NEK7: variants seen among roughly 807,000 people sequenced by gnomAD.
The protein encoded by NEK7 is NIMA related kinase 7.
Under a neutral mutation model 44.6 loss-of-function variants are expected in NEK7, and 18 were observed. That is an observed-to-expected ratio of 0.40 (90% CI 0.28 to 0.60). The LOEUF is 0.60. Among genes scored for constraint, NEK7 ranks in the 20% least tolerant of loss-of-function variants. The pLI is 0.38. For synonymous variants in NEK7, 130 were observed against 121.1 expected (o/e 1.07, Z -0.48); for missense variants, 256 against 366.5 (o/e 0.70, Z 2.46).
intron 1 of NEK7, among the ~76,000 whole-genome samples, chr1:198,215,659 G>T (rs1001167160): frequency 6.6e-6 from 1 of 152,022 alleles, no homozygotes; most frequent in Non-Finnish European, 1.5e-5. Context: ...TTGATTTCAG[G>T]AGACACACCT....
intron 9 of NEK7, among the ~76,000 whole-genome samples, chr1:198,309,167 A>G (rs1033525570): frequency 4.6e-5 from 7 of 152,158 alleles, no homozygotes; most frequent in South Asian, 4.1e-4. Context: ...TAGAGAAGAG[A>G]TATACAGTGA....
intron 6 of NEK7, 67 bp downstream of exon 6, chr1:198,278,136 C>T: frequency 1.2e-6 from 1 of 855,862 alleles, no homozygotes; most frequent in Non-Finnish European, 2.0e-6. Context: ...AAGTAAATGT[C>T]TTCAAGTCAG....
At chr1:198,157,407 G>T (rs888236735) in intron 1 of NEK7, 131 bp downstream of exon 1, 2 of 152,322 alleles carry the variant, frequency 1.3e-5, no homozygotes, top group East Asian at 1.9e-4. Context: ...CTCGCTCGGG[G>T]TAGGTGGGGC....
intron 3 of NEK7, among the ~76,000 whole-genome samples, chr1:198,255,515 A>G (rs1404888950): frequency 6.6e-6 from 1 of 152,128 alleles, no homozygotes; most frequent in Non-Finnish European, 1.5e-5. Flanking sequence ...GAAAGAATGG[A>G]GGAAGGGGTG....
At chr1:198,231,405 T>C (rs898330670) in intron 1 of NEK7, among the ~76,000 whole-genome samples, 1 of 147,986 alleles carries the variant, frequency 6.8e-6, no homozygotes, top group African/African-American at 2.5e-5. Context: ...TAAAGGATAA[T>C]TTTTTCAATA....
Position 198,322,162 on chromosome 1 carries a change from A to G in NEK7, c.*2640A>G, listed in dbSNP as rs1256041514. ...GGTGTTGCTGTTAACATTTACTATG[A>G]TATTTATTTTAACCAAAATGTTACT... On this transcript the variant is annotated 3_prime_UTR_variant, in exon 10 of 10. Coordinates refer to ENST00000367385, the MANE Select transcript of NEK7 (RefSeq NM_133494.3). 6.6e-6 allele frequency: 1 copy of G among 152,122 alleles called. No individual in the cohort carries two copies. The highest frequency in any genetic ancestry group is 1.5e-5 in the Non-Finnish European group (1 of 67,982). The allele number at this position is 152,122 out of a possible 1,614,324, so 9.4% of individuals were successfully genotyped here.
chr1:198,278,138 T>G (rs545314219), intron 6 of NEK7, 69 bp downstream of exon 6: 1 of 832,958 alleles, frequency 1.2e-6, no homozygotes. Flanking sequence ...GTAAATGTCT[T>G]CAAGTCAGTA....
intron 5 of NEK7, among the ~76,000 whole-genome samples, chr1:198,274,121 A>G (rs978361431): frequency 8.0e-6 from 1 of 125,414 alleles, no homozygotes; most frequent in Non-Finnish European, 1.6e-5. Flanking sequence ...CTCTTACTAG[A>G]TACTTGGAAG....
chr1:198,204,717 C>CAAAA (rs58273857), intron 1 of NEK7, among the ~76,000 whole-genome samples: 20 of 87,764 alleles, frequency 2.3e-4, no homozygotes, highest in Admixed American at 4.6e-4. Context: ...GACTCCGTCT[C>CAAAA]AAAAAAAAAA....
intron 9 of NEK7, among the ~76,000 whole-genome samples, chr1:198,310,617 G>A (rs914062214): frequency 3.3e-5 from 5 of 151,558 alleles, no homozygotes; most frequent in African/African-American, 1.2e-4. Flanking sequence ...ATTGATTTTT[G>A]TATAAGGTGT....
intron 3 of NEK7, among the ~76,000 whole-genome samples, chr1:198,257,524 CTTT>C (rs1262374441): frequency 8.5e-5 from 13 of 152,114 alleles, no homozygotes; most frequent in Admixed American, 8.5e-4. Flanking sequence ...CCTTCAATCT[CTTT>C]TTCAGTGTTC....
At chr1:198,274,168 C>CTTTTTTTTTTTTTTTTTTTTT (rs1463625751) in intron 5 of NEK7, among the ~76,000 whole-genome samples, 5 of 149,812 alleles carry the variant, frequency 3.3e-5, no homozygotes, top group African/African-American at 1.2e-4. Flanking sequence ...TTCTAGTTCT[C>CTTTTTTTTTTTTTTTTTTTTT]TTATGACTTC....
chr1:198,284,200 GC>G (rs1297317274), intron 7 of NEK7, among the ~76,000 whole-genome samples: 4 of 152,156 alleles, frequency 2.6e-5, no homozygotes, highest in Non-Finnish European at 5.9e-5. Flanking sequence ...AAGGTAAACA[GC>G]TAGAAGATAG....
chr1:198,257,079 C>T (rs1304863278), intron 3 of NEK7, among the ~76,000 whole-genome samples: 6 of 152,192 alleles, frequency 3.9e-5, no homozygotes, highest in Admixed American at 3.3e-4. Flanking sequence ...TGCTTAATTT[C>T]GCTTTGCTTA....
chr1:198,264,291 TTGTCTGTTAAACACATAGGGA>T, intron 5 of NEK7, 56 bp downstream of exon 5: 1 of 1,299,274 alleles, frequency 7.7e-7, no homozygotes, highest in Non-Finnish European at 1.1e-6. Context: ...TCTAATAGAA[TTGTCTGTTAAACACATAGGGA>T]TATTAGATAT....
intron 1 of NEK7, among the ~76,000 whole-genome samples, chr1:198,167,375 T>C (rs542302196): frequency 6.6e-6 from 1 of 152,292 alleles, no homozygotes; most frequent in African/African-American, 2.4e-5. Context: ...TAACAGCAGA[T>C]TTTAAGATTG....
chr1:198,295,155 A>G (rs1357518259), intron 8 of NEK7, among the ~76,000 whole-genome samples: 1 of 152,194 alleles, frequency 6.6e-6, no homozygotes, highest in Non-Finnish European at 1.5e-5. Context: ...ACTAATTAAA[A>G]TCAAGATGCT....
chr1:198,259,210 G>A (rs1399119470), intron 3 of NEK7, among the ~76,000 whole-genome samples: 1 of 152,046 alleles, frequency 6.6e-6, no homozygotes, highest in Admixed American at 6.6e-5. Context: ...TATGTAGCAT[G>A]TTTCTATCTT....
intron 1 of NEK7, among the ~76,000 whole-genome samples, chr1:198,198,601 A>C (rs1665314357): frequency 6.6e-6 from 1 of 152,222 alleles, no homozygotes; most frequent in African/African-American, 2.4e-5. Context: ...GCCAGGATTG[A>C]GTATTCAATG....
Sources: gnomAD v4.1 joint callset for allele counts (sites outside exome capture counted in the v4.1 genomes callset) on GRCh38, gnomAD v4.1.1 for gene constraint, MANE v1.5 for transcripts, NCBI Gene and HGNC (gene_info 2026-07-23, HGNC 2026-07-21) for gene names.